NDUFA12: variants seen among roughly 807,000 people sequenced by gnomAD.
NDUFA12 encodes the protein NADH dehydrogenase [ubiquinone] 1 alpha subcomplex subunit 12.
Under a neutral mutation model 20.3 loss-of-function variants are expected in NDUFA12, and 17 were observed. The observed-to-expected ratio is 0.84, with a 90% CI of 0.57 to 1.26. NDUFA12 has a LOEUF of 1.26. Ranked by LOEUF, NDUFA12 falls within the 50% of genes most tolerant of loss-of-function variation. NDUFA12 has a pLI of 0.00. For missense variants in NDUFA12, 191 were observed against 183.7 expected, an observed-to-expected ratio of 1.04 and a Z score of -0.23; for synonymous variants, 72 against 63.6, an observed-to-expected ratio of 1.13 and a Z score of -0.63.
chr12:94,992,865 T>C (rs1874690675), intron 3 of NDUFA12, among the ~76,000 whole-genome samples: 1 of 152,138 alleles, frequency 6.6e-6, no homozygotes, highest in Non-Finnish European at 1.5e-5. Flanking sequence ...CCACCCTCGT[T>C]TTATCTTGTC....
intron 3 of NDUFA12, among the ~76,000 whole-genome samples, chr12:94,985,468 T>C (rs967495004): frequency 3.3e-5 from 5 of 149,426 alleles, no homozygotes; most frequent in Admixed American, 2.7e-4. Flanking sequence ...ACTAAAAAAA[T>C]ACAAAAAATT....
At chr12:94,987,601 G>C (rs1210681019) in intron 3 of NDUFA12, among the ~76,000 whole-genome samples, 1 of 151,978 alleles carries the variant, frequency 6.6e-6, no homozygotes, top group Admixed American at 6.6e-5. Context: ...AGGAGTTCAA[G>C]ACCAGCCTGG....
intron 3 of NDUFA12, among the ~76,000 whole-genome samples, chr12:94,983,722 A>G (rs1416233869): frequency 6.6e-6 from 1 of 151,386 alleles, no homozygotes; most frequent in Non-Finnish European, 1.5e-5. Context: ...CATCACTAGC[A>G]CCCTAGTCCA....
At chr12:94,991,910 G>A (rs929626573) in intron 3 of NDUFA12, among the ~76,000 whole-genome samples, 7 of 152,050 alleles carry the variant, frequency 4.6e-5, no homozygotes, top group Non-Finnish European at 8.8e-5. Flanking sequence ...TCTCCACTAC[G>A]TCCTATTGTT....
intron 3 of NDUFA12, among the ~76,000 whole-genome samples, chr12:94,973,831 A>G (rs1592697069): frequency 6.6e-6 from 1 of 152,210 alleles, no homozygotes; most frequent in Non-Finnish European, 1.5e-5. Context: ...AAAGAATTAT[A>G]AGAAATAAGG....
At chr12:94,992,176 A>C (rs1302491614) in intron 3 of NDUFA12, among the ~76,000 whole-genome samples, 1 of 152,258 alleles carries the variant, frequency 6.6e-6, no homozygotes, top group Non-Finnish European at 1.5e-5. Flanking sequence ...GTATTATTTC[A>C]GCAATCTATG....
At chr12:94,982,434 C>T (rs1480815206) in intron 3 of NDUFA12, among the ~76,000 whole-genome samples, 1 of 151,910 alleles carries the variant, frequency 6.6e-6, no homozygotes, top group Admixed American at 6.6e-5. Context: ...CCACTAGGCC[C>T]GGCTAATTTT....
intron 3 of NDUFA12, among the ~76,000 whole-genome samples, chr12:94,979,388 T>G (rs375841254): frequency 3.9e-5 from 6 of 152,256 alleles, no homozygotes; most frequent in Non-Finnish European, 7.3e-5. Flanking sequence ...TTTCCAAATT[T>G]TCTATAGCAA....
intron 2 of NDUFA12, among the ~76,000 whole-genome samples, chr12:95,001,339 G>A (rs1163534959): frequency 1.3e-5 from 2 of 150,884 alleles, no homozygotes; most frequent in Non-Finnish European, 3.0e-5. Flanking sequence ...AAATGCTGTG[G>A]CCAGGCACAG....
At chr12:94,973,761 C>T (rs977552774) in intron 3 of NDUFA12, among the ~76,000 whole-genome samples, 2 of 151,918 alleles carry the variant, frequency 1.3e-5, no homozygotes, top group African/African-American at 4.8e-5. Context: ...TCCTAGCAAG[C>T]CTACATGCAA....
chr12:95,000,691 T>C (rs573168017), intron 2 of NDUFA12, among the ~76,000 whole-genome samples: 28 of 152,326 alleles, frequency 1.8e-4, no homozygotes, highest in African/African-American at 6.7e-4. Context: ...TGAATCTCTA[T>C]CATCTGATTC....
chr12:94,988,014 C>T (rs973590787), intron 3 of NDUFA12, among the ~76,000 whole-genome samples: 1 of 152,126 alleles, frequency 6.6e-6, no homozygotes, highest in Non-Finnish European at 1.5e-5. Context: ...CACTTCTCCA[C>T]CCAATTAACC....
intron 2 of NDUFA12, chr12:94,996,940 T>C (rs111489441): frequency 2.5e-6 from 1 of 396,692 alleles, no homozygotes; most frequent in Non-Finnish European, 4.9e-6. Flanking sequence ...TTAAGTCTCT[T>C]TGGTAAAGAT....
intron 3 of NDUFA12, among the ~76,000 whole-genome samples, chr12:94,983,519 C>T (rs10859813): frequency 0.32 from 48,173 of 152,018 alleles, 8,049 homozygotes; most frequent in East Asian, 0.42. Context: ...GTGGGTCCTT[C>T]CCAAGTCAAA....
At chr12:94,978,756 AT>A (rs1400906006) in intron 3 of NDUFA12, among the ~76,000 whole-genome samples, 2 of 152,194 alleles carry the variant, frequency 1.3e-5, no homozygotes, top group Non-Finnish European at 2.9e-5. Flanking sequence ...TTTTTATCCT[AT>A]TTATAAATTG....
At position 95,003,454 on chromosome 12, in the gene NDUFA12, G is replaced by T. The variant is rs551522680; in HGVS notation, c.86+141C>A. On this transcript the variant is annotated intron_variant, in intron 1 of 3. Transcript: ENST00000327772. Reference sequence around the variant, plus strand: ...ATATGGGACAGAGACCAGCCTGGGGGTGGCAAGGCAGAGATTGGGGCGGTT... The same window carrying T: ...ATATGGGACAGAGACCAGCCTGGGGTTGGCAAGGCAGAGATTGGGGCGGTT... The T allele has an allele frequency of 7.1e-5, 62 of 873,464 alleles. 1 individual carries two copies. Among genetic ancestry groups the T allele is most frequent in the East Asian group, 4.9e-4 (19 of 39,082 alleles). The allele number at this position is 873,464 out of a possible 1,614,324, so 54.1% of individuals were successfully genotyped here. A position where few individuals can be genotyped will look rare whatever the true frequency, so the allele number is the denominator to read the frequency against.
chr12:94,988,481 C>T (rs937140895), intron 3 of NDUFA12, among the ~76,000 whole-genome samples: 36 of 152,150 alleles, frequency 2.4e-4, no homozygotes, highest in African/African-American at 8.4e-4. Context: ...TCTTACCTTC[C>T]AGTGACTTCC....
chr12:95,003,077 C>A (rs546678436), intron 1 of NDUFA12, among the ~76,000 whole-genome samples: 23 of 152,304 alleles, frequency 1.5e-4, no homozygotes, highest in African/African-American at 5.5e-4. Flanking sequence ...CTGGAATTAG[C>A]AAAACCTTTA....
At chr12:94,988,288 A>G (rs1874519938) in intron 3 of NDUFA12, among the ~76,000 whole-genome samples, 1 of 152,056 alleles carries the variant, frequency 6.6e-6, no homozygotes, top group African/African-American at 2.4e-5. Context: ...TACTTTCCTG[A>G]TATTTATGGT....
Sources: gnomAD v4.1 joint callset for allele counts (sites outside exome capture counted in the v4.1 genomes callset) on GRCh38, gnomAD v4.1.1 for gene constraint, MANE v1.5 for transcripts, NCBI Gene and HGNC (gene_info 2026-07-23, HGNC 2026-07-21) for gene names.